PEX14: variants seen among roughly 807,000 people sequenced by gnomAD.
The protein encoded by PEX14 is peroxisomal membrane protein PEX14.
In PEX14, 15 loss-of-function variants were observed where a neutral mutation model predicts 49.5. That is an observed-to-expected ratio of 0.30 (90% CI 0.20 to 0.47). The LOEUF (loss-of-function observed/expected upper bound fraction) is 0.47, where lower values mean the gene tolerates loss of function less well. Among genes scored for constraint, PEX14 ranks in the 20% least tolerant of loss-of-function variants. The pLI, the probability that PEX14 is intolerant of heterozygous loss-of-function variation, is 1.00. For synonymous variants in PEX14, 210 were observed against 212.7 expected, an observed-to-expected ratio of 0.99 and a Z score of 0.11; for missense variants, 398 against 494.8, an observed-to-expected ratio of 0.80 and a Z score of 1.86.
intron 5 of PEX14, among the ~76,000 whole-genome samples, chr1:10,619,474 G>A (rs1570361189): frequency 6.6e-6 from 1 of 152,008 alleles, no homozygotes; most frequent in East Asian, 1.9e-4. Flanking sequence ...GCTGGTGCAT[G>A]CCTGGCTAAT....
chr1:10,583,574 T>A (rs1022615245), intron 3 of PEX14, among the ~76,000 whole-genome samples: 54 of 152,042 alleles, frequency 3.6e-4, no homozygotes, highest in African/African-American at 1.3e-3. Flanking sequence ...CCTAGGTGTT[T>A]TAGGTACTAG....
intron 3 of PEX14, among the ~76,000 whole-genome samples, chr1:10,587,719 A>G (rs577656943): frequency 3.0e-4 from 45 of 152,192 alleles, no homozygotes; most frequent in African/African-American, 1.0e-3. Context: ...TAAATAAATT[A>G]TAGTACATCC....
intron 2 of PEX14, among the ~76,000 whole-genome samples, chr1:10,505,784 G>T (rs983090662): frequency 2.4e-4 from 36 of 151,616 alleles, no homozygotes; most frequent in Admixed American, 1.8e-3. Flanking sequence ...GGGTTCAAGT[G>T]ATTCTTGTGC....
intron 3 of PEX14, among the ~76,000 whole-genome samples, chr1:10,595,434 A>G (rs1253400218): frequency 6.6e-6 from 1 of 152,060 alleles, no homozygotes; most frequent in Admixed American, 6.6e-5. Context: ...ATATATTTTA[A>G]TTGTCAGTGC....
At chr1:10,615,706 C>T (rs1375756285) in intron 4 of PEX14, among the ~76,000 whole-genome samples, 5 of 152,156 alleles carry the variant, frequency 3.3e-5, no homozygotes, top group Admixed American at 6.5e-5. Flanking sequence ...TTGATGGCAG[C>T]GTGGTGTGCA....
chr1:10,526,668 T>A (rs1177522749), intron 2 of PEX14, among the ~76,000 whole-genome samples: 3 of 152,182 alleles, frequency 2.0e-5, no homozygotes, highest in Non-Finnish European at 4.4e-5. Context: ...TTGGAATATG[T>A]ACATAATACT....
chr1:10,475,020 GC>G lies in PEX14; in HGVS notation c.36+22del. ...CGAGCCAGGTAAGGGGAGTGGGACT[GC>G]CCCGCTGTGCGGCGGAGACCCCGGC... On this transcript the variant is annotated intron_variant, in intron 1 of 8. Coordinates refer to ENST00000356607, the MANE Select transcript of PEX14 (RefSeq NM_004565.3). The G allele has an allele frequency of 6.2e-7, 1 of 1,603,616 alleles. No individual in the cohort carries two copies. Among genetic ancestry groups the G allele is most frequent in the Non-Finnish European group, 8.5e-7 (1 of 1,174,498 alleles).
At chr1:10,508,959 C>T (rs755262768) in intron 2 of PEX14, among the ~76,000 whole-genome samples, 8 of 148,174 alleles carry the variant, frequency 5.4e-5, no homozygotes, top group African/African-American at 9.9e-5. Flanking sequence ...TTTTTTGAGA[C>T]GGAGTCTCGC....
At chr1:10,524,251 A>G (rs1274274344) in intron 2 of PEX14, among the ~76,000 whole-genome samples, 2 of 152,230 alleles carry the variant, frequency 1.3e-5, no homozygotes, top group Non-Finnish European at 2.9e-5. Flanking sequence ...GGGATGTTTC[A>G]GGAAGCTTGT....
intron 4 of PEX14, among the ~76,000 whole-genome samples, chr1:10,610,277 G>C (rs1641241407): frequency 6.8e-6 from 1 of 147,034 alleles, no homozygotes; most frequent in African/African-American, 2.5e-5. Context: ...TAGTTTTTTG[G>C]AGACACCATC....
At chr1:10,572,856 G>A (rs1325927081) in intron 3 of PEX14, among the ~76,000 whole-genome samples, 1 of 152,112 alleles carries the variant, frequency 6.6e-6, no homozygotes, top group African/African-American at 2.4e-5. Context: ...TCTAAGAAAC[G>A]TGTCATTAGA....
chr1:10,585,904 TAAAAA>T (rs1052516947), intron 3 of PEX14, among the ~76,000 whole-genome samples: 2 of 151,548 alleles, frequency 1.3e-5, no homozygotes, highest in East Asian at 2.0e-4. Flanking sequence ...TCAAAACAAA[TAAAAA>T]AAAGTGAGTC....
At chr1:10,610,384 C>A (rs1570347156) in intron 4 of PEX14, among the ~76,000 whole-genome samples, 1 of 116,698 alleles carries the variant, frequency 8.6e-6, no homozygotes, top group South Asian at 2.8e-4. Flanking sequence ...CACACACACA[C>A]ACACACACAC....
In PEX14 at chr1:10,628,014, C is replaced by CG. The variant is rs1235133289; in HGVS notation, c.677+651_677+652insG. Among the ~76,000 whole-genome samples, 37 of 152,328 alleles carry CG rather than the reference C, an allele frequency of 2.4e-4. No individual in the cohort carries two copies. Among genetic ancestry groups the CG allele is most frequent in the African/African-American group, 7.5e-4 (31 of 41,566 alleles). On this transcript the variant is annotated intron_variant, in intron 8 of 8. Transcript: ENST00000356607. This position sits in a 1 kb window ranked among gnomAD's most constrained non-coding sequence, Gnocchi z 4.5. The stretch of plus-strand genomic sequence containing the variant: ...GCAGTGGCACGATCTCGGCTCACTG[C>CG]AACCTCTGCCTCCCGGGTTCACGCC...
intron 2 of PEX14, among the ~76,000 whole-genome samples, chr1:10,513,453 A>G (rs545925483): frequency 1.3e-5 from 2 of 152,292 alleles, no homozygotes; most frequent in African/African-American, 4.8e-5. Flanking sequence ...CAAGGATTCT[A>G]AAGTTTCTGG....
chr1:10,548,429 A>G (rs1000231429), intron 3 of PEX14, among the ~76,000 whole-genome samples: 1 of 152,208 alleles, frequency 6.6e-6, no homozygotes, highest in Non-Finnish European at 1.5e-5. Flanking sequence ...ACATAAGGCA[A>G]TCTCTACTGA....
chr1:10,624,738 G>A (rs1039809262), intron 7 of PEX14, among the ~76,000 whole-genome samples: 1 of 148,942 alleles, frequency 6.7e-6, no homozygotes, highest in African/African-American at 2.5e-5. Flanking sequence ...CCACATCCCC[G>A]CAGCTCTGGA....
Position 10,495,449 on chromosome 1 carries a change from G to T in PEX14, c.84+128G>T. ...TAAAAGTAGCTGTTACCTAGAGACTGCCTCTGTCAGTGACCTCTGACTTCT... is the reference window on the plus strand; with the variant it reads ...TAAAAGTAGCTGTTACCTAGAGACTTCCTCTGTCAGTGACCTCTGACTTCT... On this transcript the variant is annotated intron_variant, in intron 2 of 8. Coordinates refer to ENST00000356607, the MANE Select transcript of PEX14 (RefSeq NM_004565.3). The surrounding 1 kb of genome is among the most constrained non-coding windows in gnomAD (Gnocchi z 4.2). The T allele has an allele frequency of 2.7e-6, 2 of 754,404 alleles. No individual in the cohort carries two copies. Among genetic ancestry groups the T allele is most frequent in the Non-Finnish European group, 2.3e-6 (1 of 431,510 alleles). The allele number at this position is 754,404 out of a possible 1,614,324, so 46.7% of individuals were successfully genotyped here. A position where few individuals can be genotyped will look rare whatever the true frequency, so the allele number is the denominator to read the frequency against.
At position 10,485,145 on chromosome 1, in the gene PEX14, C is replaced by T. The variant is rs189411736; in HGVS notation, c.37-10129C>T. ...GTATTTGTGTATGTGTAAGTGTTTG[C>T]GAGGACATATTCTTCATTTTTCTGG... On this transcript the variant is annotated intron_variant, in intron 1 of 8. Coordinates refer to ENST00000356607, the MANE Select transcript of PEX14 (RefSeq NM_004565.3). Among the ~76,000 whole-genome samples the T allele has an allele frequency of 4.2e-3, 638 of 151,548 alleles. 5 individuals are homozygous for T. Among genetic ancestry groups the T allele is most frequent in the Admixed American group, 0.015 (231 of 15,208 alleles).
Sources: gnomAD v4.1 joint callset for allele counts (sites outside exome capture counted in the v4.1 genomes callset) on GRCh38, gnomAD v4.1.1 for gene constraint, Gnocchi (gnomAD v3.1) non-coding constraint, MANE v1.5 for transcripts, NCBI Gene and HGNC (gene_info 2026-07-23, HGNC 2026-07-21) for gene names.